SLC35D1: variants seen among roughly 807,000 people sequenced by gnomAD.
The protein encoded by SLC35D1 is nucleotide sugar transporter SLC35D1.
SLC35D1 carries 31 observed loss-of-function variants against 46.7 expected under a neutral mutation model. The observed-to-expected ratio is 0.66, with a 90% CI of 0.50 to 0.90. The LOEUF is 0.90. Among genes scored for constraint, SLC35D1 ranks in the 40% least tolerant of loss-of-function variants. The pLI, the probability that SLC35D1 is intolerant of heterozygous loss-of-function variation, is 0.00. For missense variants in SLC35D1, 397 were observed against 426.2 expected, an observed-to-expected ratio of 0.93 and a Z score of 0.60; for synonymous variants, 195 against 164.6, an observed-to-expected ratio of 1.18 and a Z score of -1.41.
At chr1:67,005,545 T>G (rs191712584) in intron 11 of SLC35D1, among the ~76,000 whole-genome samples, 1 of 152,328 alleles carries the variant, frequency 6.6e-6, no homozygotes, top group African/African-American at 2.4e-5. Context: ...GATTCTTCCT[T>G]TTCCTCATCT....
Position 67,043,101 on chromosome 1 carries a change from G to A in SLC35D1, c.637-773C>T, listed in dbSNP as rs1239395636. ...TCCCAGCTACTTGGGAGGCTGAGGC[G>A]GGAGAATCGCTTGAACTCAGGAGGT... On this transcript the variant is annotated intron_variant, in intron 7 of 11. Transcript: ENST00000235345. 9.9e-5 allele frequency among the ~76,000 whole-genome samples: 15 copies of A among 152,050 alleles called. No individual in the cohort carries two copies. In the South Asian group the frequency reaches 1.7e-3, roughly 17 times the overall value.
chr1:67,019,992 T>C (rs1171752077), intron 10 of SLC35D1, among the ~76,000 whole-genome samples: 1 of 152,198 alleles, frequency 6.6e-6, no homozygotes, highest in Non-Finnish European at 1.5e-5. Flanking sequence ...GCCAGCATAC[T>C]TTCCCTACAA....
chr1:66,995,434 A>T (rs1030497532), downstream of SLC35D1, among the ~76,000 whole-genome samples: 3 of 5,150 alleles, frequency 5.8e-4, no homozygotes, highest in South Asian at 3.7e-3. Flanking sequence ...CTGCTACGCT[A>T]AAAAAAAAAA....
downstream of SLC35D1, among the ~76,000 whole-genome samples, chr1:66,997,156 A>G (rs1280266948): frequency 6.6e-6 from 1 of 152,192 alleles, no homozygotes; most frequent in Non-Finnish European, 1.5e-5. Flanking sequence ...AAGTCAATGG[A>G]TATAATCAAA....
intron 10 of SLC35D1, among the ~76,000 whole-genome samples, chr1:67,015,421 A>C (rs1293843332): frequency 6.6e-6 from 1 of 151,992 alleles, no homozygotes; most frequent in Non-Finnish European, 1.5e-5. Flanking sequence ...TCAGGATCTC[A>C]CTCTGTTGCC....
chr1:67,010,369 A>C (rs1055900743), intron 10 of SLC35D1, among the ~76,000 whole-genome samples: 3 of 152,306 alleles, frequency 2.0e-5, no homozygotes, highest in Admixed American at 1.3e-4. Flanking sequence ...AATGGAAAAA[A>C]GGGAATGGTG....
chr1:66,992,066 A>T, the SLC35D1 span, among the ~76,000 whole-genome samples: 2 of 152,230 alleles, frequency 1.3e-5, no homozygotes, highest in African/African-American at 4.8e-5. Context: ...TCCCTTATCC[A>T]AAACCCTTGT....
At chr1:66,976,752 T>G in the SLC35D1 span, 1 of 1,505,424 alleles carries the variant, frequency 6.6e-7, no homozygotes, top group South Asian at 1.3e-5. Flanking sequence ...AAGAGCTATA[T>G]ATACATTTTT....
chr1:67,038,548 T>TAAA (rs34359750), intron 8 of SLC35D1, among the ~76,000 whole-genome samples: 1 of 150,282 alleles, frequency 6.7e-6, no homozygotes. Flanking sequence ...GGCTTTGTAC[T>TAAA]AAAAAAAAAA....
At chr1:67,032,015 A>G (rs1026647848) in intron 8 of SLC35D1, 3 of 979,834 alleles carry the variant, frequency 3.1e-6, no homozygotes, top group African/African-American at 3.5e-5. Flanking sequence ...TGTGAAGAGA[A>G]TGACCTACCT....
Position 67,009,466 on chromosome 1 carries a change from C to A in SLC35D1, c.877-299G>T, listed in dbSNP as rs543942132. ...TATGCATTGGACAAAGGTCTAATAT[C>A]CAGAATTGATAAGCAACCTAATTCA... On this transcript the variant is annotated intron_variant, in intron 10 of 11. Coordinates refer to ENST00000235345, the MANE Select transcript of SLC35D1 (RefSeq NM_015139.3). Among the ~76,000 whole-genome samples the A allele has an allele frequency of 5.3e-5, 8 of 152,206 alleles. No homozygotes were observed. In the East Asian group the frequency reaches 7.7e-4, roughly 15 times the overall value.
chr1:66,991,382 C>T, the SLC35D1 span, among the ~76,000 whole-genome samples: 1 of 152,104 alleles, frequency 6.6e-6, no homozygotes, highest in Non-Finnish European at 1.5e-5. Context: ...AGCCTGAGTC[C>T]CAGTTGCCCT....
the SLC35D1 span, among the ~76,000 whole-genome samples, chr1:66,980,046 G>A: frequency 6.6e-6 from 1 of 152,198 alleles, no homozygotes; most frequent in Non-Finnish European, 1.5e-5. Context: ...TGACAGGCGT[G>A]AGCCACCACA....
chr1:66,975,983 C>CTTTT, the SLC35D1 span, among the ~76,000 whole-genome samples: 3 of 141,830 alleles, frequency 2.1e-5, no homozygotes, highest in African/African-American at 7.7e-5. Context: ...ACTTCCAGGC[C>CTTTT]TTTTTTTTGT....
chr1:66,985,943 GCAAGA>G, the SLC35D1 span: 5 of 983,674 alleles, frequency 5.1e-6, no homozygotes, highest in South Asian at 4.7e-5. Flanking sequence ...TATTTTTGAA[GCAAGA>G]CAAAAGTTTA....
At chr1:66,997,515 A>ATATATATATATATATATATAT (rs1553262604), downstream of SLC35D1, among the ~76,000 whole-genome samples, 1 of 28,062 alleles carries the variant, frequency 3.6e-5, no homozygotes, top group African/African-American at 7.9e-5. Flanking sequence ...AAAAAAAAAA[A>ATATATATATATATATATATAT]AAAAATATAT....
chr1:66,988,026 A>G, the SLC35D1 span: 1 of 152,316 alleles, frequency 6.6e-6, no homozygotes, highest in Non-Finnish European at 1.5e-5. Flanking sequence ...TTGTTTTGTC[A>G]CAATATTTTC....
intron 8 of SLC35D1, among the ~76,000 whole-genome samples, chr1:67,037,706 G>C (rs1331043877): frequency 2.0e-5 from 3 of 152,132 alleles, no homozygotes; most frequent in African/African-American, 7.2e-5. Flanking sequence ...AAAATCCAAA[G>C]TGTGACAGAT....
chr1:66,981,756 A>G, the SLC35D1 span: 1 of 1,554,218 alleles, frequency 6.4e-7, no homozygotes, highest in Non-Finnish European at 8.7e-7. Flanking sequence ...TTTTAATATA[A>G]AAATTGTTTT....
Sources: gnomAD v4.1 joint callset for allele counts (sites outside exome capture counted in the v4.1 genomes callset) on GRCh38, gnomAD v4.1.1 for gene constraint, MANE v1.5 for transcripts, NCBI Gene and HGNC (gene_info 2026-07-23, HGNC 2026-07-21) for gene names.